Variants in XYLT1 observed in about 807,000 individuals in gnomAD.
The protein encoded by XYLT1 is beta-D-xylosyltransferase 1.
Under a neutral mutation model 91.3 loss-of-function variants are expected in XYLT1, and 36 were observed. That is an observed-to-expected ratio of 0.39 (90% CI 0.30 to 0.52). XYLT1 has a LOEUF of 0.52. XYLT1 is among the 20% of genes least tolerant of loss of function. The probability of loss-of-function intolerance (pLI) is 0.68; values close to 1 mark genes in which losing one functional copy is unlikely to be tolerated. For missense variants in XYLT1, 1,242 were observed against 1,284.5 expected, an observed-to-expected ratio of 0.97 and a Z score of 0.51; for synonymous variants, 588 against 532.0, an observed-to-expected ratio of 1.11 and a Z score of -1.45.
At chr16:17,279,379 C>T (rs767760743) in intron 2 of XYLT1, among the ~76,000 whole-genome samples, 1 of 152,170 alleles carries the variant, frequency 6.6e-6, no homozygotes, top group African/African-American at 2.4e-5. Flanking sequence ...AGTAGTATGT[C>T]CTTTTTCAAC....
rs1198289868 is a variant in XYLT1, at chr16:17,312,632, G to C, written c.402+45380C>G. Among the ~76,000 whole-genome samples, 3 of 152,170 alleles carry C rather than the reference G, an allele frequency of 2.0e-5. No homozygotes were observed. The highest frequency in any genetic ancestry group is 2.1e-4 in the South Asian group (1 of 4,822). On this transcript the variant is annotated intron_variant, in intron 2 of 11. Coordinates refer to ENST00000261381, the MANE Select transcript of XYLT1 (RefSeq NM_022166.4). The surrounding 1 kb of genome is among the most constrained non-coding windows in gnomAD (Gnocchi z 4.4). ...TACTGTTAACGGGACTGCAGATTTT[G>C]TTTTTGTTTTCACCCATTTTCAACA... is the stretch of plus-strand genomic sequence containing the variant.
intron 2 of XYLT1, among the ~76,000 whole-genome samples, chr16:17,324,633 G>C (rs1310396405): frequency 6.6e-6 from 1 of 152,226 alleles, no homozygotes; most frequent in Non-Finnish European, 1.5e-5. Context: ...CCCTGGGGAT[G>C]GCACTGGTCC....
At position 17,329,678 on chromosome 16, in the gene XYLT1, A is replaced by G. The variant is rs372420023; in HGVS notation, c.402+28334T>C. ...GGGAATTACGTGCTCCAAACCAGCA[A>G]CCTGTGCCTCCGGGTCTGTTACTTG... On this transcript the variant is annotated intron_variant, in intron 2 of 11. Transcript: ENST00000261381. 1.1e-4 allele frequency among the ~76,000 whole-genome samples: 17 copies of G among 152,292 alleles called. No individual in the cohort carries two copies. The East Asian group carries it at 2.5e-3, about 22-fold the overall frequency.
At chr16:17,363,462 G>C (rs1241641793) in intron 1 of XYLT1, among the ~76,000 whole-genome samples, 1 of 152,246 alleles carries the variant, frequency 6.6e-6, no homozygotes, top group Non-Finnish European at 1.5e-5. Context: ...CTAGCCTGTA[G>C]AGATGGTGGC....
At chr16:17,292,350 CTG>C (rs2034243077) in intron 2 of XYLT1, among the ~76,000 whole-genome samples, 2 of 152,190 alleles carry the variant, frequency 1.3e-5, no homozygotes. Flanking sequence ...TTATTTGAAT[CTG>C]TGTCACAGAC....
chr16:17,141,679 C>T (rs1054113700), intron 6 of XYLT1, among the ~76,000 whole-genome samples: 2 of 152,314 alleles, frequency 1.3e-5, no homozygotes, highest in African/African-American at 4.8e-5. Context: ...GCTACAGCTA[C>T]TCCTTCTCTA....
At chr16:17,139,177 G>GAGAC (rs777538298) in intron 7 of XYLT1, among the ~76,000 whole-genome samples, 16 of 152,360 alleles carry the variant, frequency 1.1e-4, no homozygotes, top group Middle Eastern at 3.4e-3. Flanking sequence ...GAGTACTTGA[G>GAGAC]AGACTGCCAG....
chr16:17,257,289 T>C (rs2033648117), intron 3 of XYLT1, among the ~76,000 whole-genome samples: 1 of 151,920 alleles, frequency 6.6e-6, no homozygotes, highest in African/African-American at 2.4e-5. Flanking sequence ...AGATAAGAAA[T>C]CTAGGCCCTG....
chr16:17,423,005 C>G (rs578144355), intron 1 of XYLT1, among the ~76,000 whole-genome samples: 1 of 152,128 alleles, frequency 6.6e-6, no homozygotes, highest in Non-Finnish European at 1.5e-5. Flanking sequence ...GCAAAGTCCC[C>G]GTACAGACTA....
chr16:17,255,311 T>C (rs1166949285), intron 3 of XYLT1, among the ~76,000 whole-genome samples: 1 of 152,142 alleles, frequency 6.6e-6, no homozygotes, highest in Admixed American at 6.6e-5. Context: ...CCTATTTTTA[T>C]AAGTTAGGTT....
At chr16:17,122,757 T>C (rs143889881) in intron 10 of XYLT1, among the ~76,000 whole-genome samples, 1 of 152,362 alleles carries the variant, frequency 6.6e-6, no homozygotes. Flanking sequence ...CAGTTGATTA[T>C]TGTATAAGGT....
intron 2 of XYLT1, among the ~76,000 whole-genome samples, chr16:17,306,280 G>A (rs992206215): frequency 6.6e-6 from 1 of 152,180 alleles, no homozygotes; most frequent in Non-Finnish European, 1.5e-5. Context: ...GAGAGAACAA[G>A]AGACAGATAA....
intron 5 of XYLT1, among the ~76,000 whole-genome samples, chr16:17,175,239 C>T (rs1567308338): frequency 1.3e-5 from 2 of 152,116 alleles, no homozygotes; most frequent in East Asian, 3.8e-4. Flanking sequence ...CCTCACAACC[C>T]CCCTAAAATA....
intron 1 of XYLT1, among the ~76,000 whole-genome samples, chr16:17,379,409 TCTGTGAGGCC>T (rs1458797358): frequency 6.6e-6 from 1 of 152,264 alleles, no homozygotes; most frequent in East Asian, 1.9e-4. Flanking sequence ...ATGGAAAACC[TCTGTGAGGCC>T]AGCCCAGCCT....
intron 8 of XYLT1, 32 bp downstream of exon 8, chr16:17,138,323 T>C (rs1386552027): frequency 2.5e-6 from 4 of 1,594,458 alleles, no homozygotes; most frequent in African/African-American, 1.3e-5. Context: ...AGGCATCACT[T>C]AGGAGGCTGG....
At chr16:17,372,513 A>G (rs1266246286) in intron 1 of XYLT1, among the ~76,000 whole-genome samples, 1 of 152,220 alleles carries the variant, frequency 6.6e-6, no homozygotes, top group Non-Finnish European at 1.5e-5. Context: ...TGAGGACTAC[A>G]ACTCTCCCAA....
rs745525145 is a variant in XYLT1 at position 17,362,398 on chromosome 16, C to T, written c.364-4348G>A. ...CAATCCACACGTGTTTACTAAGTTCCGATTCAGTAGCTAGCTCTATGCGTG... is the reference window on the plus strand; with the variant it reads ...CAATCCACACGTGTTTACTAAGTTCTGATTCAGTAGCTAGCTCTATGCGTG... On this transcript the variant is annotated intron_variant, in intron 1 of 11. Coordinates refer to ENST00000261381, the MANE Select transcript of XYLT1 (RefSeq NM_022166.4). Among the ~76,000 whole-genome samples the T allele has an allele frequency of 3.0e-4, 45 of 152,268 alleles. 2 individuals carry two copies. The highest frequency in any genetic ancestry group is 1.0e-3 in the Admixed American group (16 of 15,292).
chr16:17,329,592 C>T (rs1367712567), intron 2 of XYLT1, among the ~76,000 whole-genome samples: 1 of 152,196 alleles, frequency 6.6e-6, no homozygotes, highest in African/African-American at 2.4e-5. Flanking sequence ...AGACAGACAT[C>T]ACTAACTGCT....
chr16:17,216,377 A>G (rs1022885216), intron 3 of XYLT1, among the ~76,000 whole-genome samples: 4 of 152,244 alleles, frequency 2.6e-5, no homozygotes, highest in Non-Finnish European at 4.4e-5. Context: ...TAAAGTTAAC[A>G]GTACATTAAT....
Sources: allele counts gnomAD v4.1 joint callset (sites outside exome capture counted in the v4.1 genomes callset), GRCh38; gene constraint gnomAD v4.1.1; non-coding constraint Gnocchi (gnomAD v3.1); transcripts MANE v1.5; gene names NCBI Gene and HGNC (gene_info 2026-07-23, HGNC 2026-07-21).